TSC22D1: variants seen among roughly 807,000 people sequenced by gnomAD.
TSC22D1 encodes the protein TSC22 domain family protein 1.
In TSC22D1, 9 loss-of-function variants were observed where a neutral mutation model predicts 74.2. That is an observed-to-expected ratio of 0.12 (90% CI 0.07 to 0.21). The LOEUF is 0.21. TSC22D1 is among the 10% of genes least tolerant of loss of function. The pLI is 1.00. For synonymous variants in TSC22D1, 586 were observed against 492.5 expected, an observed-to-expected ratio of 1.19 and a Z score of -2.51; for missense variants, 1,427 against 1,304.7, an observed-to-expected ratio of 1.09 and a Z score of -1.44.
chr13:44,505,071 T>G (rs1339095625), intron 1 of TSC22D1, among the ~76,000 whole-genome samples: 1 of 152,220 alleles, frequency 6.6e-6, no homozygotes, highest in African/African-American at 2.4e-5. Context: ...TGTCAAAGCC[T>G]GTGTCTTATA....
intron 1 of TSC22D1, among the ~76,000 whole-genome samples, chr13:44,549,943 C>T (rs949834868): frequency 1.3e-5 from 2 of 152,008 alleles, no homozygotes; most frequent in African/African-American, 4.8e-5. Flanking sequence ...AATGTCAATA[C>T]TGGAAAAAAT....
At chr13:44,457,358 A>C (rs73188731) in intron 1 of TSC22D1, among the ~76,000 whole-genome samples, 15,097 of 152,266 alleles carry the variant, frequency 0.099, 784 homozygotes, top group Non-Finnish European at 0.11. Flanking sequence ...ATCACACTGG[A>C]TCAAAAACAT....
intron 1 of TSC22D1, among the ~76,000 whole-genome samples, chr13:44,546,128 G>GT (rs1202032616): frequency 1.3e-5 from 2 of 152,080 alleles, no homozygotes; most frequent in African/African-American, 4.8e-5. Context: ...GGAAAATAAT[G>GT]TATCAGTCAA....
chr13:44,483,440 T>A (rs1878275170), intron 1 of TSC22D1, among the ~76,000 whole-genome samples: 1 of 152,198 alleles, frequency 6.6e-6, no homozygotes, highest in Non-Finnish European at 1.5e-5. Context: ...GGCAGACGGA[T>A]CATGAGGTCA....
At chr13:44,540,273 T>C (rs538452458) in intron 1 of TSC22D1, among the ~76,000 whole-genome samples, 2 of 152,006 alleles carry the variant, frequency 1.3e-5, no homozygotes. Context: ...CTCAGATATA[T>C]CAAAGGAGGA....
intron 1 of TSC22D1, among the ~76,000 whole-genome samples, chr13:44,526,704 G>A (rs1009191952): frequency 2.0e-5 from 3 of 152,224 alleles, no homozygotes; most frequent in Non-Finnish European, 2.9e-5. Context: ...AGCAAGAGAA[G>A]TATGGTTTCT....
In TSC22D1 at chr13:44,434,552, C is replaced by G. The variant is rs186065079; in HGVS notation, c.*74G>C. On this transcript the variant is annotated 3_prime_UTR_variant, in exon 3 of 3. Coordinates refer to ENST00000458659, the MANE Select transcript of TSC22D1 (RefSeq NM_183422.4). ...GCAATGAAATGGGTGACTGTGGAGG[C>G]AGATTCTCCCTAGCACATCTTCTCC... 3 of 1,476,946 alleles carry G rather than the reference C, an allele frequency of 2.0e-6. No individual in the cohort carries two copies. The East Asian group carries it at 7.3e-5, about 36-fold the overall frequency. The allele number at this position is 1,476,946 out of a possible 1,614,324, so 91.5% of individuals were successfully genotyped here.
chr13:44,517,521 C>A (rs1187031345), intron 1 of TSC22D1, among the ~76,000 whole-genome samples: 2 of 151,570 alleles, frequency 1.3e-5, no homozygotes, highest in African/African-American at 4.8e-5. Flanking sequence ...GGATTACTAT[C>A]CATTGATCAA....
In TSC22D1 at chr13:44,573,213, C is replaced by G; in HGVS notation, c.2862G>C (p.Pro954=). 6.2e-7 allele frequency: 1 copy of G among 1,614,210 alleles called. No individual in the cohort carries two copies. Among genetic ancestry groups the G allele is most frequent in the Non-Finnish European group, 8.5e-7 (1 of 1,180,044 alleles). ...GTGTCGTCAGCGGTAGCACCTTCAACGGGAAAAGAGAAGCAGAGGCTGCTA... is the reference window on the plus strand; with the variant it reads ...GTGTCGTCAGCGGTAGCACCTTCAAGGGGAAAAGAGAAGCAGAGGCTGCTA... ...SSLAASASLF[P]LKVLPLTTPL... The change falls in exon 1 of 3, where the codon CCG becomes CCC. Residue 954 remains proline (P), a synonymous_variant. Transcript: ENST00000458659.
At chr13:44,552,444 T>C (rs1234205869) in intron 1 of TSC22D1, among the ~76,000 whole-genome samples, 1 of 152,152 alleles carries the variant, frequency 6.6e-6, no homozygotes, top group Non-Finnish European at 1.5e-5. Context: ...TTTATGAAGT[T>C]AACTAGTTCT....
At chr13:44,528,370 A>G (rs758160219) in intron 1 of TSC22D1, among the ~76,000 whole-genome samples, 4 of 152,122 alleles carry the variant, frequency 2.6e-5, no homozygotes, top group African/African-American at 4.8e-5. Context: ...CTAAAAATCA[A>G]TAACACATAC....
At chr13:44,435,111 T>G in intron 2 of TSC22D1, 1 of 461,124 alleles carries the variant, frequency 2.2e-6, no homozygotes, top group African/African-American at 2.0e-5. Flanking sequence ...TCTGCAGACG[T>G]TGGCCAGAAA....
chr13:44,455,303 T>A (rs1294195432), intron 1 of TSC22D1, among the ~76,000 whole-genome samples: 1 of 152,174 alleles, frequency 6.6e-6, no homozygotes, highest in African/African-American at 2.4e-5. Flanking sequence ...AATGCTGTAT[T>A]CAAGAGACCC....
Position 44,574,608 on chromosome 13 carries a change from C to T in TSC22D1, c.1467G>A (p.Met489Ile), listed in dbSNP as rs1429206361. 2 of 1,614,042 alleles carry T rather than the reference C, an allele frequency of 1.2e-6. No individual in the cohort carries two copies. The highest frequency in any genetic ancestry group is 4.5e-5 in the East Asian group (2 of 44,872). Residue 489 changes from methionine (M) to isoleucine (I), a missense_variant, in exon 1 of 3, where the codon ATG becomes ATA. By Grantham distance (10) the Met-to-Ile change is conservative. Transcript: ENST00000458659. ...GCTGCACCACCACAGTAGGGGCTCC[C>T]ATCTCTCCACTTCCCACACTCTCTG... The part of the protein sequence containing the change: ...HYTESVGSGE[M>I]GAPTVVVQQQ...
intron 1 of TSC22D1, among the ~76,000 whole-genome samples, chr13:44,521,853 T>TA (rs1326802870): frequency 3.3e-5 from 5 of 152,212 alleles, no homozygotes; most frequent in Non-Finnish European, 7.3e-5. Flanking sequence ...TTTACCTACA[T>TA]ACATATGGAT....
In TSC22D1 at chr13:44,576,196, T is replaced by TCTC. The variant is rs924473922; in HGVS notation, c.-125_-123dup. 2.5e-5 allele frequency: 34 copies of TCTC among 1,351,392 alleles called. No homozygotes were observed. The East Asian group carries it at 3.1e-4, about 12-fold the overall frequency. 83.7% of individuals were successfully genotyped at this position (1,351,392 alleles called of 1,614,324 possible). A position where few individuals can be genotyped will look rare whatever the true frequency, so the allele number is the denominator to read the frequency against. On this transcript the variant is annotated 5_prime_UTR_variant, in exon 1 of 3. Transcript: ENST00000458659. ...CGCTCCGCCTGGCGCGATTCCTCCT[T>TCTC]CTCCTCCTCCTCAGCCAAAGGCGCC...
At chr13:44,552,711 G>A (rs889878640) in intron 1 of TSC22D1, among the ~76,000 whole-genome samples, 4 of 152,190 alleles carry the variant, frequency 2.6e-5, no homozygotes, top group Non-Finnish European at 5.9e-5. Flanking sequence ...GTGGTAGGCC[G>A]GGCGTGGTGG....
At chr13:44,470,237 G>A (rs1877523348) in intron 1 of TSC22D1, among the ~76,000 whole-genome samples, 1 of 152,138 alleles carries the variant, frequency 6.6e-6, no homozygotes, top group African/African-American at 2.4e-5. Flanking sequence ...CAGGTTCGCA[G>A]AACAACTCCA....
chr13:44,529,428 TAA>T (rs1333215609), intron 1 of TSC22D1, among the ~76,000 whole-genome samples: 2 of 151,984 alleles, frequency 1.3e-5, no homozygotes, highest in African/African-American at 4.8e-5. Context: ...CTCAACCTGA[TAA>T]AGAGTATCAA....
Sources: gnomAD v4.1 joint callset for allele counts (sites outside exome capture counted in the v4.1 genomes callset) on GRCh38, gnomAD v4.1.1 for gene constraint, MANE v1.5 for transcripts, NCBI Gene and HGNC (gene_info 2026-07-23, HGNC 2026-07-21) for gene names.